The following CEMIP2 variants were observed in gnomAD, a reference collection of about 807,000 sequenced individuals.
CEMIP2 encodes cell migration inducing hyaluronidase 2.
A neutral mutation model predicts 146.9 loss-of-function variants in CEMIP2; 79 were observed. That is an observed-to-expected ratio of 0.54 (90% confidence interval 0.45 to 0.65). The LOEUF (loss-of-function observed/expected upper bound fraction) is 0.65. CEMIP2 is among the 30% of genes least tolerant of loss of function. CEMIP2 has a pLI of 0.00. For synonymous variants in CEMIP2, 601 were observed against 606.3 expected (o/e 0.99, Z 0.13); for missense variants, 1,596 against 1,696.2 (o/e 0.94, Z 1.04).
rs181809928 is a variant in CEMIP2, at chr9:71,686,057, G to A, written c.3852-211C>T. On this transcript the variant is annotated intron_variant, in intron 22 of 23. Transcript: ENST00000377044. ...ACACGTTGCTCTTACAAGGGGTAAC[G>A]CATACATAAACCAAATCATTTACGT... The A allele has an allele frequency of 1.2e-3, 656 of 533,740 alleles. 7 individuals carry two copies. The East Asian group carries it at 0.018, about 15-fold the overall frequency. 33.1% of individuals were successfully genotyped at this position (533,740 alleles called of 1,614,324 possible). A position where few individuals can be genotyped will look rare whatever the true frequency, so the allele number is the denominator to read the frequency against.
intron 1 of CEMIP2, among the ~76,000 whole-genome samples, chr9:71,757,676 C>T (rs1328779416): frequency 1.3e-5 from 2 of 152,186 alleles, no homozygotes; most frequent in African/African-American, 4.8e-5. Context: ...CATTCCCAAC[C>T]TCCTACTTTC....
At chr9:71,716,653 A>G in intron 13 of CEMIP2, 101 bp from the exon 14 acceptor site, 1 of 1,025,698 alleles carries the variant, frequency 9.7e-7, no homozygotes. Flanking sequence ...AAAAGGTCCC[A>G]ATATTTACTC....
At chr9:71,724,949 C>T (rs1823338782) in intron 11 of CEMIP2, among the ~76,000 whole-genome samples, 2 of 151,938 alleles carry the variant, frequency 1.3e-5, no homozygotes, top group Admixed American at 1.3e-4. Context: ...TGAGAAGAAA[C>T]AAGGGAGAGG....
chr9:71,687,345 T>C (rs1465935467), intron 22 of CEMIP2: 1 of 152,202 alleles, frequency 6.6e-6, no homozygotes, highest in Non-Finnish European at 1.5e-5. Flanking sequence ...TTATCTTCCA[T>C]GAAACTGGTC....
At chr9:71,744,554 GA>G (rs1824018997) in intron 4 of CEMIP2, among the ~76,000 whole-genome samples, 1 of 151,890 alleles carries the variant, frequency 6.6e-6, no homozygotes, top group South Asian at 2.1e-4. Flanking sequence ...TCCGAAAAAA[GA>G]AAAAGAAAAA....
chr9:71,704,431 T>A, intron 18 of CEMIP2, 164 bp downstream of exon 18: 1 of 668,322 alleles, frequency 1.5e-6, no homozygotes. Flanking sequence ...ATTTGTATAA[T>A]CTCTTTAATT....
intron 22 of CEMIP2, among the ~76,000 whole-genome samples, chr9:71,689,065 C>T (rs57812044): frequency 0.055 from 8,312 of 152,210 alleles, 430 homozygotes; most frequent in African/African-American, 0.13. Flanking sequence ...GTCCTAAATA[C>T]TTGTGGTGAG....
chr9:71,688,473 C>G (rs7032978), intron 22 of CEMIP2, among the ~76,000 whole-genome samples: 12,662 of 151,864 alleles, frequency 0.083, 1,180 homozygotes, highest in African/African-American at 0.23. Context: ...TCACTGCAAA[C>G]TGCCTCCTAG....
At chr9:71,763,763 A>C (rs901836102) in intron 1 of CEMIP2, among the ~76,000 whole-genome samples, 6 of 152,274 alleles carry the variant, frequency 3.9e-5, no homozygotes, top group Non-Finnish European at 8.8e-5. Context: ...TATAGATCAA[A>C]GGACTGATTT....
intron 19 of CEMIP2, chr9:71,699,503 G>T (rs1589130637): frequency 2.4e-6 from 1 of 415,768 alleles, no homozygotes; most frequent in East Asian, 7.0e-5. Flanking sequence ...ATTAAAAATT[G>T]GAGACAATTA....
rs267602263 is a variant in CEMIP2, at chr9:71,712,121, G to A, written c.2731C>T (p.Pro911Ser). ...TTCACGAGGGAGATATTATTCCTGG[G>A]GGTTATCTGCCAGGAATTCTTCATG... is the stretch of plus-strand genomic sequence containing the variant. ...FLMKNSWQIT[P>S]RNNISLVKFG... is the part of the protein sequence containing the mutation. The change falls in exon 16 of 24, where the codon CCC (proline) becomes TCC (serine). Residue 911 changes from proline (P) to serine (S), a missense_variant. By Grantham distance (74) the Pro-to-Ser change is moderately conservative. Coordinates refer to ENST00000377044, the MANE Select transcript of CEMIP2 (RefSeq NM_013390.3). 2.5e-6 allele frequency: 4 copies of A among 1,613,948 alleles called. No individual in the cohort carries two copies. The highest frequency in any genetic ancestry group is 3.4e-6 in the Non-Finnish European group (4 of 1,180,014).
At chr9:71,751,876 C>T (rs1042083555) in intron 1 of CEMIP2, among the ~76,000 whole-genome samples, 2 of 152,008 alleles carry the variant, frequency 1.3e-5, no homozygotes, top group Admixed American at 6.6e-5. Flanking sequence ...TATCACTTAA[C>T]GATATAGATT....
intron 4 of CEMIP2, among the ~76,000 whole-genome samples, chr9:71,740,947 G>A (rs1465231740): frequency 6.6e-6 from 1 of 151,974 alleles, no homozygotes; most frequent in Admixed American, 6.6e-5. Flanking sequence ...TGGGACCAGA[G>A]AATTTGTATT....
intron 10 of CEMIP2, 141 bp from the exon 11 acceptor site, chr9:71,725,850 A>G (rs1202516958): frequency 2.2e-6 from 2 of 912,002 alleles, no homozygotes; most frequent in African/African-American, 3.4e-5. Flanking sequence ...AATTGACAAT[A>G]AAAAGTTGTA....
At chr9:71,723,406 G>A (rs1224456939) in intron 11 of CEMIP2, among the ~76,000 whole-genome samples, 1 of 150,690 alleles carries the variant, frequency 6.6e-6, no homozygotes, top group Non-Finnish European at 1.5e-5. Context: ...CAGTAATCCA[G>A]AAGAGAAATA....
Position 71,690,210 on chromosome 9 carries a change from C to A in CEMIP2, c.3733G>T (p.Val1245Phe). 6.2e-7 allele frequency: 1 copy of A among 1,614,116 alleles called. No individual in the cohort carries two copies. The highest frequency in any genetic ancestry group is 8.5e-7 in the Non-Finnish European group (1 of 1,179,980). Residue 1245 changes from valine to phenylalanine, a missense_variant, in exon 22 of 24, where the codon GTC becomes TTC. Val to Phe is a conservative substitution (Grantham distance 50). Transcript: ENST00000377044. ...CACGGATCCACAACAAGGAGGAGGA[C>A]GCCTGCACTTCGGAAGGTAAAGTCA... ...GTDFTFRSAG[V>F]LLLVVDPCSV...
chr9:71,745,389 A>G lies in CEMIP2; in HGVS notation c.663T>C (p.Phe221=). 3 of 1,614,092 alleles carry G rather than the reference A, an allele frequency of 1.9e-6. No individual in the cohort carries two copies. The highest frequency in any genetic ancestry group is 1.3e-5 in the African/African-American group (1 of 75,028). Residue 221 remains phenylalanine (F), a synonymous_variant, in exon 4 of 24, where the codon TTT becomes TTC. Transcript: ENST00000377044. ...GESMPTFGKK[F]IGVEAGGTLE... Reference sequence around the variant, plus strand: ...GTGTCCCGCCAGCTTCCACACCAATAAACTTTTTGCCAAATGTTGGCATAC... The same window carrying G: ...GTGTCCCGCCAGCTTCCACACCAATGAACTTTTTGCCAAATGTTGGCATAC...
At position 71,694,588 on chromosome 9, in the gene CEMIP2, G is replaced by A. The variant is rs1822339617; in HGVS notation, c.3617C>T (p.Pro1206Leu). The A allele has an allele frequency of 6.2e-7, 1 of 1,613,252 alleles. No homozygotes were observed. The highest frequency in any genetic ancestry group is 1.1e-5 in the South Asian group (1 of 91,064). ...GTRQVVFTSD[P>L]HKSYLPVQFQ... Reference sequence around the variant, plus strand: ...TTGCACAGGGAGGTAACTTTTATGAGGATCACTAGTAAACACCACCTAGAC... The same window carrying A: ...TTGCACAGGGAGGTAACTTTTATGAAGATCACTAGTAAACACCACCTAGAC... Residue 1206 changes from proline to leucine, a missense_variant, in exon 21 of 24, where the codon CCT becomes CTT. Physicochemically the swap from Pro to Leu is moderately conservative, Grantham distance 98. Transcript: ENST00000377044.
In CEMIP2 at chr9:71,706,257, C is replaced by T. The variant is rs114717218; in HGVS notation, c.2986-1454G>A. ...AAAAAAAGGAAAAAAAAAAAAAGCA[C>T]ATATTCCACTAAAAAATATTTACAA... On this transcript the variant is annotated intron_variant, in intron 17 of 23. Coordinates refer to ENST00000377044, the MANE Select transcript of CEMIP2 (RefSeq NM_013390.3). Among the ~76,000 whole-genome samples the T allele has an allele frequency of 3.1e-3, 462 of 148,182 alleles. 3 individuals carry two copies. The highest frequency in any genetic ancestry group is 0.011 in the African/African-American group (448 of 40,230).
Sources: allele counts gnomAD v4.1 joint callset (sites outside exome capture counted in the v4.1 genomes callset), GRCh38; gene constraint gnomAD v4.1.1; transcripts MANE v1.5; gene names NCBI Gene and HGNC (gene_info 2026-07-23, HGNC 2026-07-21).